The following GARIN3 variants were observed in gnomAD, a reference collection of about 807,000 sequenced individuals.
The protein encoded by GARIN3 is golgi associated RAB2 interactor family member 3, also known as Golgi-associated RAB2 interactor protein 3.
chr5:157,164,863 T>G, the GARIN3 span, among the ~76,000 whole-genome samples: 1 of 151,522 alleles, frequency 6.6e-6, no homozygotes, highest in African/African-American at 2.4e-5. Flanking sequence ...AAAAAAAAAT[T>G]ATAAAAATTA....
chr5:157,163,081 A>G, the GARIN3 span: 17 of 1,614,240 alleles, frequency 1.1e-5, no homozygotes, highest in Non-Finnish European at 1.4e-5. Flanking sequence ...GAGGGGTCCC[A>G]CTGCTGGTCC....
the GARIN3 span, chr5:157,163,060 A>G: frequency 6.2e-7 from 1 of 1,614,220 alleles, no homozygotes; most frequent in Non-Finnish European, 8.5e-7. Context: ...TTCGCTTTGC[A>G]AGGTGGAGAT....
At chr5:157,166,248 C>G in the GARIN3 span, 3 of 1,540,648 alleles carry the variant, frequency 1.9e-6, no homozygotes, top group Non-Finnish European at 2.6e-6. Flanking sequence ...AACTGCCCAT[C>G]TCCCTACAGG....
At chr5:157,165,955 C>T in the GARIN3 span, 13 of 1,614,122 alleles carry the variant, frequency 8.1e-6, no homozygotes, top group East Asian at 2.9e-4. Context: ...ACGATGCCCA[C>T]TGTCACCATT....
chr5:157,162,442 C>T, the GARIN3 span: 1 of 1,611,848 alleles, frequency 6.2e-7, no homozygotes, highest in South Asian at 1.1e-5. Context: ...AGCCCTGGCT[C>T]CTCTTTAAAT....
the GARIN3 span, chr5:157,166,110 G>A: frequency 5.5e-4 from 889 of 1,614,076 alleles, 12 homozygotes; most frequent in East Asian, 0.017. Context: ...GGTTTTGAAC[G>A]CACTCATTGA....
the GARIN3 span, chr5:157,165,658 GT>G: frequency 6.2e-7 from 1 of 1,614,170 alleles, no homozygotes; most frequent in Non-Finnish European, 8.5e-7. Context: ...AGATAGACAA[GT>G]TTTTCCCAAT....
the GARIN3 span, chr5:157,162,077 A>C: frequency 4.0e-6 from 1 of 252,876 alleles, no homozygotes; most frequent in Non-Finnish European, 7.6e-6. Flanking sequence ...TTCAGGGAAA[A>C]GAGGAGAATG....
the GARIN3 span, chr5:157,162,188 G>A: frequency 2.2e-5 from 12 of 533,948 alleles, no homozygotes; most frequent in East Asian, 1.3e-4. Flanking sequence ...GAACACTCAC[G>A]TTGGCTCTGC....
the GARIN3 span, chr5:157,166,069 T>C: frequency 1.9e-6 from 3 of 1,614,094 alleles, no homozygotes; most frequent in African/African-American, 1.3e-5. Flanking sequence ...TCTCCTCTGT[T>C]GTACAATTGT....
the GARIN3 span, among the ~76,000 whole-genome samples, chr5:157,164,521 T>C: frequency 6.6e-6 from 1 of 152,228 alleles, no homozygotes; most frequent in Non-Finnish European, 1.5e-5. Context: ...TCACTCAGTT[T>C]TGGTTGAGCA....
chr5:157,162,860 A>T, the GARIN3 span: 12 of 1,613,934 alleles, frequency 7.4e-6, no homozygotes, highest in Non-Finnish European at 8.5e-6. Flanking sequence ...CCAGATGCGG[A>T]CCGGTGGGAA....
chr5:157,166,175 C>T, the GARIN3 span: 2 of 1,601,096 alleles, frequency 1.2e-6, no homozygotes, highest in Admixed American at 1.7e-5. Context: ...TCATGGTTCT[C>T]TTCGTTTAAG....
At chr5:157,163,760 A>G in the GARIN3 span, 1 of 1,453,154 alleles carries the variant, frequency 6.9e-7, no homozygotes, top group Non-Finnish European at 9.2e-7. Context: ...AGGGCTTATA[A>G]TTAGAAGAAC....
At chr5:157,163,370 C>T in the GARIN3 span, 1 of 1,614,130 alleles carries the variant, frequency 6.2e-7, no homozygotes, top group Non-Finnish European at 8.5e-7. Context: ...TTGGTTGTTG[C>T]TATGCTCATA....
the GARIN3 span, chr5:157,165,528 C>A: frequency 1.3e-5 from 20 of 1,568,010 alleles, no homozygotes; most frequent in Admixed American, 1.8e-5. Context: ...CCCCAAAGAA[C>A]CTGCCCCATG....
At chr5:157,164,589 CA>C in the GARIN3 span, among the ~76,000 whole-genome samples, 1 of 152,182 alleles carries the variant, frequency 6.6e-6, no homozygotes. Flanking sequence ...TTGTATTTTA[CA>C]CACTTATTTT....
the GARIN3 span, among the ~76,000 whole-genome samples, chr5:157,164,144 G>GT: frequency 6.9e-6 from 1 of 144,766 alleles, no homozygotes; most frequent in African/African-American, 2.5e-5. Flanking sequence ...TAAGTCTTTT[G>GT]TCTTTTTTTT....
the GARIN3 span, among the ~76,000 whole-genome samples, chr5:157,164,116 C>G: frequency 4.6e-5 from 7 of 151,106 alleles, no homozygotes; most frequent in Non-Finnish European, 1.0e-4. Context: ...GAAGGAGAAC[C>G]TCTAAAATCA....
Sources: allele counts gnomAD v4.1 joint callset (sites outside exome capture counted in the v4.1 genomes callset), GRCh38; gene constraint gnomAD v4.1.1; transcripts MANE v1.5; gene names NCBI Gene and HGNC (gene_info 2026-07-23, HGNC 2026-07-21).